HEATR6: variants seen among roughly 807,000 people sequenced by gnomAD.
HEATR6 encodes the protein HEAT repeat containing 6, also known as HEAT repeat-containing protein 6.
HEATR6 carries 106 observed loss-of-function variants against 132.8 expected under a neutral mutation model. The observed-to-expected ratio is 0.80, with a 90% confidence interval of 0.68 to 0.94. The LOEUF is 0.94. Among genes scored for constraint, HEATR6 ranks in the 40% least tolerant of loss-of-function variants. The pLI is 0.00. For missense variants in HEATR6, 1,339 were observed against 1,425.1 expected (o/e 0.94, Z 0.97); for synonymous variants, 529 against 537.8 (o/e 0.98, Z 0.23).
At chr17:60,059,279 A>G in intron 11 of HEATR6, 143 bp downstream of exon 11, 1 of 519,288 alleles carries the variant, frequency 1.9e-6, no homozygotes, top group South Asian at 3.3e-5. Flanking sequence ...TATACCCCTG[A>G]AAAGTTGAGA....
chr17:60,052,906 T>C (rs533365418), intron 14 of HEATR6, among the ~76,000 whole-genome samples: 340 of 152,242 alleles, frequency 2.2e-3, no homozygotes, highest in African/African-American at 7.5e-3. Flanking sequence ...CATCTTTACA[T>C]GTCATTTGAT....
At position 60,042,783 on chromosome 17, in the gene HEATR6, G is replaced by GCAC. The variant is rs1298433604; in HGVS notation, c.*777_*779dup. Among the ~76,000 whole-genome samples the GCAC allele has an allele frequency of 1.5e-5, 1 of 68,452 alleles. No homozygotes were observed. Among genetic ancestry groups the GCAC allele is most frequent in the East Asian group, 5.2e-4 (1 of 1,908 alleles). 44.9% of individuals were successfully genotyped at this position (68,452 alleles called of 152,430 possible). On this transcript the variant is annotated 3_prime_UTR_variant, in exon 20 of 20. Transcript: ENST00000184956. Reference sequence around the variant, plus strand: ...TCCTCGCGTCCTGTGTGGCTGTGAGGCACCGTCAGCATCCTCGCGTCCTGT... The same window carrying GCAC: ...TCCTCGCGTCCTGTGTGGCTGTGAGGCACCACCGTCAGCATCCTCGCGTCCTGT...
rs376151675 is a variant in HEATR6, at chr17:60,044,088, G to C, written c.3021C>G (p.Val1007=). ...CTTTGAAGTTCTTGCATGATGTCAC[G>C]ACCGATGTCAGGGCATTGTAGGCCT... The part of the protein sequence containing the change: ...TSQAYNALTS[V]VTSCKNFKVR... The change falls in exon 20 of 20, where the codon GTC becomes GTG. Residue 1007 remains valine, a synonymous_variant. Transcript: ENST00000184956. The C allele has an allele frequency of 9.5e-5, 154 of 1,613,646 alleles. No homozygotes were observed. The highest frequency in any genetic ancestry group is 1.2e-4 in the Non-Finnish European group (138 of 1,179,832).
In HEATR6 at chr17:60,067,499, C is replaced by T. The variant is rs1379003982; in HGVS notation, c.1173G>A (p.Trp391Ter). Residue 391 changes from tryptophan (W) to a stop codon, truncating the protein, a stop_gained, in exon 8 of 20, where the codon TGG becomes TGA. Transcript: ENST00000184956. LOFTEE classifies it high-confidence loss of function. ...CTGACTCACTACTGCTGACCCTTTT[C>T]CAACTGGAAGAACTGAAGGATGAGG... is the stretch of plus-strand genomic sequence containing the variant. Reference protein sequence around the residue: ...GVSSSFSSSSWKRVSSSESDF... With the variant: ...GVSSSFSSSS The T allele has an allele frequency of 6.2e-7, 1 of 1,606,726 alleles. No individual in the cohort carries two copies. The highest frequency in any genetic ancestry group is 1.1e-5 in the South Asian group (1 of 89,482).
At position 60,057,269 on chromosome 17, in the gene HEATR6, G is replaced by C; in HGVS notation, c.1858C>G (p.His620Asp). Reference sequence around the variant, plus strand: ...TTCCACCAATCAGGAGGGCTGAGGTGAGGGGTTGCTGAATTGCTATTACCG... The same window carrying C: ...TTCCACCAATCAGGAGGGCTGAGGTCAGGGGTTGCTGAATTGCTATTACCG... ...GLGNSNSATP[H>D]LSPPDWWKKA... Residue 620 changes from histidine to aspartate, a missense_variant, in exon 12 of 20, where the codon CAC (histidine) becomes GAC (aspartate). Coordinates refer to ENST00000184956, the MANE Select transcript of HEATR6 (RefSeq NM_022070.5). The C allele has an allele frequency of 6.2e-7, 1 of 1,614,190 alleles. No individual in the cohort carries two copies. Among genetic ancestry groups the C allele is most frequent in the African/African-American group, 1.3e-5 (1 of 75,052 alleles).
In HEATR6 at chr17:60,057,287, T is replaced by C. The variant is rs1906776191; in HGVS notation, c.1840A>G (p.Ser614Gly). Residue 614 changes from serine to glycine, a missense_variant, in exon 12 of 20, where the codon AGC becomes GGC. Coordinates refer to ENST00000184956, the MANE Select transcript of HEATR6 (RefSeq NM_022070.5). ...CTGAGGTGAGGGGTTGCTGAATTGC[T>C]ATTACCGAGTCCAGAAGAACATGGC... is the stretch of plus-strand genomic sequence containing the variant. ...QQPCSSGLGN[S>G]NSATPHLSPP... 2 of 1,614,196 alleles carry C rather than the reference T, an allele frequency of 1.2e-6. No homozygotes were observed. The highest frequency in any genetic ancestry group is 4.5e-5 in the East Asian group (2 of 44,882).
intron 7 of HEATR6, among the ~76,000 whole-genome samples, chr17:60,069,150 G>A (rs541943493): frequency 2.0e-5 from 3 of 152,238 alleles, no homozygotes; most frequent in Non-Finnish European, 4.4e-5. Context: ...GGAAAGGCTG[G>A]GAAATCAGGT....
At chr17:60,045,235 A>G (rs945166629) in intron 19 of HEATR6, among the ~76,000 whole-genome samples, 4 of 152,190 alleles carry the variant, frequency 2.6e-5, no homozygotes, top group African/African-American at 7.2e-5. Context: ...AAGCTACCTT[A>G]CATACTCCCA....
chr17:60,069,632 T>G, intron 7 of HEATR6, 79 bp downstream of exon 7: 1 of 1,356,480 alleles, frequency 7.4e-7, no homozygotes, highest in Non-Finnish European at 1.0e-6. Flanking sequence ...AGGGTAGTAG[T>G]GATGCAAATC....
Sources: gnomAD v4.1 joint callset for allele counts (sites outside exome capture counted in the v4.1 genomes callset) on GRCh38, gnomAD v4.1.1 for gene constraint, MANE v1.5 for transcripts, NCBI Gene and HGNC (gene_info 2026-07-23, HGNC 2026-07-21) for gene names.